FMN2: variants seen among roughly 807,000 people sequenced by gnomAD.
FMN2 encodes formin 2.
In FMN2, 51 loss-of-function variants were observed where a neutral mutation model predicts 142.3. That is an observed-to-expected ratio of 0.36 (90% confidence interval 0.29 to 0.45). FMN2 has a LOEUF of 0.45. Among genes scored for constraint, FMN2 ranks in the 20% least tolerant of loss-of-function variants. FMN2 has a pLI of 1.00. For missense variants in FMN2, 1,936 were observed against 2,122.8 expected (o/e 0.91, Z 1.73); for synonymous variants, 882 against 869.8 (o/e 1.01, Z -0.25).
intron 14 of FMN2, among the ~76,000 whole-genome samples, chr1:240,359,591 A>C (rs1241793164): frequency 6.6e-6 from 1 of 152,074 alleles, no homozygotes. Context: ...TTCCCTCCCT[A>C]TCTTCCTAGT....
At chr1:240,298,763 G>A (rs1179261494) in intron 8 of FMN2, among the ~76,000 whole-genome samples, 1 of 152,176 alleles carries the variant, frequency 6.6e-6, no homozygotes, top group Non-Finnish European at 1.5e-5. Context: ...GTCTGTGGAA[G>A]AATTGTCTTC....
At chr1:240,347,769 A>G (rs1671957803) in intron 13 of FMN2, among the ~76,000 whole-genome samples, 1 of 152,016 alleles carries the variant, frequency 6.6e-6, no homozygotes, top group Admixed American at 6.6e-5. Flanking sequence ...TTTAGCTCCC[A>G]CTTGTAAGTG....
At chr1:240,417,238 C>T (rs1010998341) in intron 15 of FMN2, among the ~76,000 whole-genome samples, 2 of 150,472 alleles carry the variant, frequency 1.3e-5, no homozygotes, top group African/African-American at 4.9e-5. Flanking sequence ...ATATTCTCAT[C>T]CGCATATTTT....
In FMN2 at chr1:240,207,165, A is replaced by T; in HGVS notation, c.2353A>T (p.Ile785Phe). 6.2e-7 allele frequency: 1 copy of T among 1,613,952 alleles called. No homozygotes were observed. Among genetic ancestry groups the T allele is most frequent in the Non-Finnish European group, 8.5e-7 (1 of 1,179,954 alleles). Residue 785 changes from isoleucine (I) to phenylalanine (F), a missense_variant, in exon 5 of 18, where the codon ATT (isoleucine) becomes TTT (phenylalanine). By Grantham distance (21) the Ile-to-Phe change is conservative (BLOSUM62 0). Coordinates refer to ENST00000319653, the MANE Select transcript of FMN2 (RefSeq NM_020066.5). The stretch of plus-strand genomic sequence containing the variant: ...ACCTCAGACAAAGTTCTGTTCAGAG[A>T]TTTCTTTGATTGTGTCTCCAAGGCG... ...SGPQTKFCSE[I>F]SLIVSPRRIS...
chr1:240,405,433 A>G (rs1001140330), intron 15 of FMN2, among the ~76,000 whole-genome samples: 26 of 152,174 alleles, frequency 1.7e-4, no homozygotes, highest in African/African-American at 6.3e-4. Flanking sequence ...AGCCTGGCCA[A>G]CATGGAGAAA....
chr1:240,235,364 C>G (rs1394847654), intron 6 of FMN2, among the ~76,000 whole-genome samples: 3 of 151,680 alleles, frequency 2.0e-5, no homozygotes, highest in African/African-American at 7.3e-5. Flanking sequence ...ATTTTAAACG[C>G]TCCTTTTATT....
At chr1:240,425,116 G>C (rs934080349) in intron 15 of FMN2, among the ~76,000 whole-genome samples, 1 of 151,924 alleles carries the variant, frequency 6.6e-6, no homozygotes, top group Non-Finnish European at 1.5e-5. Context: ...GAATATTCAG[G>C]GGTGGCTGTT....
chr1:240,104,913 A>G (rs181120493), intron 1 of FMN2, among the ~76,000 whole-genome samples: 2 of 152,222 alleles, frequency 1.3e-5, no homozygotes, highest in Admixed American at 6.5e-5. Flanking sequence ...GGTGATAAAC[A>G]TCTAGATTCC....
intron 8 of FMN2, among the ~76,000 whole-genome samples, chr1:240,328,175 AAAAG>A (rs1458639218): frequency 4.6e-5 from 7 of 150,642 alleles, no homozygotes; most frequent in East Asian, 3.9e-4. Flanking sequence ...AAAAAAAAGA[AAAAG>A]AAAATCCAGC....
intron 2 of FMN2, among the ~76,000 whole-genome samples, chr1:240,124,905 A>T (rs1418487646): frequency 6.6e-6 from 1 of 152,028 alleles, no homozygotes; most frequent in Non-Finnish European, 1.5e-5. Context: ...TGACCTCGTG[A>T]TCCACCCGCC....
intron 7 of FMN2, among the ~76,000 whole-genome samples, chr1:240,275,882 A>C (rs1006690799): frequency 6.6e-6 from 1 of 152,150 alleles, no homozygotes; most frequent in Non-Finnish European, 1.5e-5. Context: ...GGCTGCATAC[A>C]TGTCTTCTTT....
chr1:240,265,250 GA>G (rs1209700078), intron 7 of FMN2, among the ~76,000 whole-genome samples: 1 of 152,068 alleles, frequency 6.6e-6, no homozygotes, highest in Non-Finnish European at 1.5e-5. Context: ...TATTGACTAT[GA>G]AATTTTTTCA....
chr1:240,329,972 A>G (rs1254243699), intron 10 of FMN2, among the ~76,000 whole-genome samples: 2 of 152,222 alleles, frequency 1.3e-5, no homozygotes, highest in Non-Finnish European at 2.9e-5. Flanking sequence ...ATTTAAAACA[A>G]TTTGTCAAAT....
At chr1:240,366,697 A>G (rs958906989) in intron 14 of FMN2, among the ~76,000 whole-genome samples, 1 of 151,956 alleles carries the variant, frequency 6.6e-6, no homozygotes, top group Non-Finnish European at 1.5e-5. Flanking sequence ...GATTACAGGC[A>G]TGAGTCACCA....
At chr1:240,447,900 G>C (rs1053898129) in intron 16 of FMN2, among the ~76,000 whole-genome samples, 1 of 152,208 alleles carries the variant, frequency 6.6e-6, no homozygotes, top group Non-Finnish European at 1.5e-5. Context: ...GTTCTGGAAG[G>C]AAGAAGAATT....
intron 8 of FMN2, among the ~76,000 whole-genome samples, chr1:240,320,002 G>C (rs1670916304): frequency 6.6e-6 from 1 of 152,144 alleles, no homozygotes; most frequent in South Asian, 2.1e-4. Context: ...TGAAGTATTT[G>C]GTGAAATCTG....
chr1:240,094,577 AGCTTACAG>A (rs1553322891), intron 1 of FMN2, among the ~76,000 whole-genome samples: 3 of 152,174 alleles, frequency 2.0e-5, no homozygotes, highest in African/African-American at 4.8e-5. Context: ...AGTTTATCCT[AGCTTACAG>A]GCTTACAGGG....
intron 6 of FMN2, among the ~76,000 whole-genome samples, chr1:240,226,833 CAT>C (rs1455179733): frequency 5.4e-5 from 8 of 147,402 alleles, no homozygotes; most frequent in Non-Finnish European, 7.6e-5. Flanking sequence ...CACACACACA[CAT>C]ACACACACAC....
chr1:240,354,127 G>T (rs1040695619), intron 13 of FMN2, among the ~76,000 whole-genome samples: 1 of 152,072 alleles, frequency 6.6e-6, no homozygotes, highest in African/African-American at 2.4e-5. Flanking sequence ...CAGGTTAAGC[G>T]GTTGGGTCTC....
Sources: allele counts gnomAD v4.1 joint callset (sites outside exome capture counted in the v4.1 genomes callset), GRCh38; gene constraint gnomAD v4.1.1; transcripts MANE v1.5; gene names NCBI Gene and HGNC (gene_info 2026-07-23, HGNC 2026-07-21).